Variants in MRPL45 observed in about 807,000 individuals in gnomAD.
MRPL45 encodes large ribosomal subunit protein mL45.
A neutral mutation model predicts 38.1 loss-of-function variants in MRPL45; 20 were observed. The observed-to-expected ratio is 0.53, with a 90% CI of 0.37 to 0.76. MRPL45 has a LOEUF of 0.76. Among genes scored for constraint, MRPL45 ranks in the 30% least tolerant of loss-of-function variants. MRPL45 has a pLI of 0.00. For synonymous variants in MRPL45, 105 were observed against 128.8 expected, an observed-to-expected ratio of 0.82 and a Z score of 1.25; for missense variants, 337 against 395.6, an observed-to-expected ratio of 0.85 and a Z score of 1.26.
rs2037138604 is a variant in MRPL45 at position 38,313,327 on chromosome 17, TATATACATATATATATATAC to T, written c.462-5359_462-5340del. Among the ~76,000 whole-genome samples the T allele has an allele frequency of 4.1e-4, 7 of 16,902 alleles. No homozygotes were observed. In the South Asian group the frequency reaches 0.018, roughly 43 times the overall value. The allele number at this position is 16,902 out of a possible 152,430, so 11.1% of individuals were successfully genotyped here. A position where few individuals can be genotyped will look rare whatever the true frequency, so the allele number is the denominator to read the frequency against. On this transcript the variant is annotated intron_variant, in intron 4 of 7. Transcript: ENST00000613675. ...AAAAAAAAAAATATATATATATATA[TATATACATATATATATATAC>T]GTATATATATATATATATACGTATA... is the stretch of plus-strand genomic sequence containing the variant.
chr17:38,308,913 A>G (rs1261302125), intron 4 of MRPL45, among the ~76,000 whole-genome samples: 1 of 133,566 alleles, frequency 7.5e-6, no homozygotes, highest in East Asian at 2.3e-4. Flanking sequence ...GCTTTTATTT[A>G]TGTTTTTTTT....
chr17:38,322,072 T>TC, intron 6 of MRPL45, 54 bp from the exon 7 acceptor site: 1 of 1,506,256 alleles, frequency 6.6e-7, no homozygotes, highest in Non-Finnish European at 9.1e-7. Flanking sequence ...AACAAACAAC[T>TC]CACACTCACA....
At chr17:38,315,154 A>G (rs1360365848) in intron 4 of MRPL45, among the ~76,000 whole-genome samples, 1 of 152,276 alleles carries the variant, frequency 6.6e-6, no homozygotes, top group Non-Finnish European at 1.5e-5. Flanking sequence ...CCTACATAGT[A>G]GTAAAACATA....
At chr17:38,303,875 C>T (rs184287065) in intron 3 of MRPL45, among the ~76,000 whole-genome samples, 10 of 149,974 alleles carry the variant, frequency 6.7e-5, no homozygotes, top group Admixed American at 1.3e-4. Context: ...TACAGGTGTG[C>T]GCCACCACGC....
chr17:38,297,421 G>A (rs2036947882), intron 1 of MRPL45, among the ~76,000 whole-genome samples, 172 bp downstream of exon 1: 1 of 152,156 alleles, frequency 6.6e-6, no homozygotes, highest in Non-Finnish European at 1.5e-5. Flanking sequence ...TGGTCGAATG[G>A]GGATAGCCTA....
At chr17:38,300,796 A>C (rs2036986933) in intron 3 of MRPL45, among the ~76,000 whole-genome samples, 1 of 152,078 alleles carries the variant, frequency 6.6e-6, no homozygotes, top group African/African-American at 2.4e-5. Context: ...AAAATGCAAA[A>C]TTAGCCGGGC....
In MRPL45 at chr17:38,313,387, T is replaced by C. The variant is rs1343982746; in HGVS notation, c.462-5300T>C. On this transcript the variant is annotated intron_variant, in intron 4 of 7. Transcript: ENST00000613675. ...ATATACGTATATATATATATATACA[T>C]ATATATATATATATATGAGAGATGG... Among the ~76,000 whole-genome samples the C allele has an allele frequency of 1.2e-3, 92 of 76,280 alleles. 1 individual carries two copies. The highest frequency in any genetic ancestry group is 5.0e-3 in the African/African-American group (88 of 17,662). The allele number at this position is 76,280 out of a possible 152,430, so 50.0% of individuals were successfully genotyped here.
Position 38,299,400 on chromosome 17 carries a change from A to G in MRPL45, c.294A>G (p.Ser98=). 2 of 1,612,882 alleles carry G rather than the reference A, an allele frequency of 1.2e-6. No homozygotes were observed. Among genetic ancestry groups the G allele is most frequent in the South Asian group, 1.1e-5 (1 of 90,604 alleles). ...YVPPEGDARI[S]SLSKEGLIER... is the part of the protein sequence containing the mutation. The stretch of plus-strand genomic sequence containing the variant: ...CTCCTGAGGGTGATGCACGCATATC[A>G]TCTCTTTCAAAGGAGGGACTGATAG... Residue 98 remains serine (S), a synonymous_variant, in exon 3 of 8, where the codon TCA becomes TCG. Transcript: ENST00000613675.
intron 5 of MRPL45, 48 bp from the exon 6 acceptor site, chr17:38,320,570 T>G (rs1222771023): frequency 6.2e-7 from 1 of 1,601,058 alleles, no homozygotes; most frequent in Non-Finnish European, 8.5e-7. Context: ...ACCAGCTTCC[T>G]TAAAGGGAGG....
Position 38,309,516 on chromosome 17 carries a change from C to T in MRPL45, c.461+2885C>T, listed in dbSNP as rs1191343759. On this transcript the variant is annotated intron_variant, in intron 4 of 7. Transcript: ENST00000613675. ...AAGCCACGACAACAGAGCAAAACTC[C>T]GTCTCAGAAAAAAAAAAAAAAAAAA... 5.8e-4 allele frequency among the ~76,000 whole-genome samples: 75 copies of T among 129,584 alleles called. 2 individuals carry two copies. The highest frequency in any genetic ancestry group is 8.7e-4 in the South Asian group (3 of 3,448). 85.0% of individuals were successfully genotyped at this position (129,584 alleles called of 152,430 possible).
intron 4 of MRPL45, among the ~76,000 whole-genome samples, chr17:38,314,905 A>T (rs1330635797): frequency 1.3e-5 from 2 of 152,192 alleles, no homozygotes; most frequent in Non-Finnish European, 2.9e-5. Context: ...GAATAATATC[A>T]ACTTAGTTTC....
At chr17:38,306,396 G>T in intron 3 of MRPL45, 137 bp from the exon 4 acceptor site, 2 of 930,712 alleles carry the variant, frequency 2.1e-6, no homozygotes, top group Non-Finnish European at 3.0e-6. Flanking sequence ...GTGACAGAGC[G>T]AGACTCAAAA....
intron 4 of MRPL45, among the ~76,000 whole-genome samples, chr17:38,315,171 T>G (rs996931317): frequency 2.0e-5 from 3 of 152,242 alleles, no homozygotes; most frequent in African/African-American, 4.8e-5. Context: ...CATACATGTT[T>G]TTTGTTTTTT....
chr17:38,302,730 C>T (rs2037011307), intron 3 of MRPL45, among the ~76,000 whole-genome samples: 1 of 151,302 alleles, frequency 6.6e-6, no homozygotes, highest in African/African-American at 2.4e-5. Context: ...CTTTTCTTTT[C>T]TTCTTTTTTT....
At chr17:38,321,081 A>T (rs1015934561) in intron 6 of MRPL45, among the ~76,000 whole-genome samples, 1 of 152,036 alleles carries the variant, frequency 6.6e-6, no homozygotes, top group Non-Finnish European at 1.5e-5. Flanking sequence ...GGCTCAAGCA[A>T]TCCTCCCACC....
chr17:38,318,015 GC>G (rs1207123889), intron 4 of MRPL45, among the ~76,000 whole-genome samples: 2 of 150,986 alleles, frequency 1.3e-5, no homozygotes, highest in African/African-American at 4.9e-5. Flanking sequence ...AAGATATAAG[GC>G]TAAAAACATG....
Position 38,322,242 on chromosome 17 carries a change from GAGAATGCATACCA to G in MRPL45, c.781_793del (p.Met261SerfsTer16). 6.2e-7 allele frequency: 1 copy of G among 1,614,096 alleles called. No homozygotes were observed. Among genetic ancestry groups the G allele is most frequent in the Non-Finnish European group, 8.5e-7 (1 of 1,180,012 alleles). On this transcript the variant is annotated frameshift_variant, in exon 7 of 8. Transcript: ENST00000613675. LOFTEE classifies it high-confidence loss of function. ...AGTTGACAAACCCCTATGGAAGCTG[GAGAATGCATACCA>G]AGATCGTTCCCCCATGGGCACCCCC... is the stretch of plus-strand genomic sequence containing the variant.
At chr17:38,310,335 T>G (rs2037099435) in intron 4 of MRPL45, among the ~76,000 whole-genome samples, 1 of 143,340 alleles carries the variant, frequency 7.0e-6, no homozygotes, top group African/African-American at 2.6e-5. Flanking sequence ...TTTGTTTTTG[T>G]TTTTTTTTTT....
intron 6 of MRPL45, 57 bp downstream of exon 6, chr17:38,320,824 T>C: frequency 1.3e-6 from 2 of 1,575,558 alleles, no homozygotes; most frequent in Middle Eastern, 1.7e-4. Flanking sequence ...CTTGGGCACC[T>C]CCCTCTGGAG....
Sources: gnomAD v4.1 joint callset for allele counts (sites outside exome capture counted in the v4.1 genomes callset) on GRCh38, gnomAD v4.1.1 for gene constraint, MANE v1.5 for transcripts, NCBI Gene and HGNC (gene_info 2026-07-23, HGNC 2026-07-21) for gene names.